Variants in CAMK1D observed in about 807,000 individuals in gnomAD.
CAMK1D encodes calcium/calmodulin-dependent protein kinase type 1D.
CAMK1D carries 9 observed loss-of-function variants against 47.7 expected under a neutral mutation model. The observed-to-expected ratio is 0.19, with a 90% CI of 0.11 to 0.33. The LOEUF (loss-of-function observed/expected upper bound fraction) is 0.33, where lower values mean the gene tolerates loss of function less well. Among genes scored for constraint, CAMK1D ranks in the 10% least tolerant of loss-of-function variants. The pLI is 1.00. For missense variants in CAMK1D, 291 were observed against 488.7 expected (o/e 0.60, Z 3.81); for synonymous variants, 184 against 184.9 (o/e 0.99, Z 0.04).
intron 5 of CAMK1D, among the ~76,000 whole-genome samples, chr10:12,779,188 C>G (rs768269918): frequency 6.6e-6 from 1 of 152,090 alleles, no homozygotes; most frequent in South Asian, 2.1e-4. Context: ...ATGGTATTGA[C>G]CAAGATTGGG....
intron 3 of CAMK1D, among the ~76,000 whole-genome samples, chr10:12,750,878 A>G (rs1835912484): frequency 6.6e-6 from 1 of 152,062 alleles, no homozygotes; most frequent in African/African-American, 2.4e-5. Flanking sequence ...TGGCAAAACC[A>G]TGTCTCTACT....
At chr10:12,608,016 C>G (rs920200744) in intron 2 of CAMK1D, among the ~76,000 whole-genome samples, 13 of 152,040 alleles carry the variant, frequency 8.6e-5, no homozygotes, top group Admixed American at 3.3e-4. Flanking sequence ...AAAACAGGAG[C>G]TCAAATCCAG....
chr10:12,434,884 A>G (rs1832583176), intron 1 of CAMK1D, among the ~76,000 whole-genome samples: 1 of 152,148 alleles, frequency 6.6e-6, no homozygotes, highest in Admixed American at 6.6e-5. Flanking sequence ...ACCTCCCTGC[A>G]GGAGAGTTAT....
intron 4 of CAMK1D, among the ~76,000 whole-genome samples, chr10:12,764,400 A>AT (rs1554822787): frequency 2.7e-5 from 4 of 150,828 alleles, no homozygotes; most frequent in African/African-American, 9.7e-5. Flanking sequence ...AAAAAAAAAC[A>AT]TTGATCTAAA....
At chr10:12,431,124 T>C (rs1286718566) in intron 1 of CAMK1D, among the ~76,000 whole-genome samples, 1 of 152,280 alleles carries the variant, frequency 6.6e-6, no homozygotes, top group East Asian at 1.9e-4. Flanking sequence ...CATTTTCTTA[T>C]TTTTTAAAAA....
chr10:12,632,704 T>C (rs1041564629), intron 2 of CAMK1D, among the ~76,000 whole-genome samples: 16 of 152,102 alleles, frequency 1.1e-4, no homozygotes, highest in African/African-American at 3.9e-4. Flanking sequence ...TGTTTTTGTT[T>C]TTTCTTTTTT....
In CAMK1D at chr10:12,751,128, A is replaced by AAGAT. The variant is rs1564535604; in HGVS notation, c.300-9820_300-9819insAGAT. The stretch of plus-strand genomic sequence containing the variant: ...TAAGATAAGATAAGATAAGATAAGA[A>AAGAT]GGCTTCAGAAGGCTTCTTTCGTGAG... On this transcript the variant is annotated intron_variant, in intron 3 of 10. Coordinates refer to ENST00000619168, the MANE Select transcript of CAMK1D (RefSeq NM_153498.4). Among the ~76,000 whole-genome samples, 10 of 145,170 alleles carry AAGAT rather than the reference A, an allele frequency of 6.9e-5. 1 individual carries two copies. In the East Asian group the frequency reaches 1.0e-3, roughly 15 times the overall value.
intron 7 of CAMK1D, 58 bp downstream of exon 7, chr10:12,814,365 C>A: frequency 2.7e-6 from 3 of 1,108,144 alleles, no homozygotes; most frequent in East Asian, 2.4e-5. Context: ...ACACCCAGAC[C>A]ACGTGACCCT....
intron 3 of CAMK1D, among the ~76,000 whole-genome samples, chr10:12,745,914 G>C (rs1452831631): frequency 1.3e-5 from 2 of 152,068 alleles, no homozygotes; most frequent in Non-Finnish European, 2.9e-5. Flanking sequence ...GACGAAATCT[G>C]ACAACTTTCT....
chr10:12,419,707 A>T (rs917629493), intron 1 of CAMK1D, among the ~76,000 whole-genome samples: 4 of 151,952 alleles, frequency 2.6e-5, no homozygotes, highest in Non-Finnish European at 5.9e-5. Flanking sequence ...AGGTTGCAGA[A>T]AATACTGAGA....
At chr10:12,748,614 C>T (rs931128826) in intron 3 of CAMK1D, among the ~76,000 whole-genome samples, 2 of 152,180 alleles carry the variant, frequency 1.3e-5, no homozygotes, top group African/African-American at 4.8e-5. Flanking sequence ...TTGAGAAGGA[C>T]AGTAGCTAGT....
chr10:12,603,327 T>C (rs950446018), intron 2 of CAMK1D, among the ~76,000 whole-genome samples: 2 of 152,156 alleles, frequency 1.3e-5, no homozygotes, highest in South Asian at 2.1e-4. Flanking sequence ...GGGACACCAG[T>C]TGCGCAGTGC....
At chr10:12,679,543 A>G (rs909750255) in intron 3 of CAMK1D, among the ~76,000 whole-genome samples, 1 of 152,240 alleles carries the variant, frequency 6.6e-6, no homozygotes, top group African/African-American at 2.4e-5. Context: ...TAGGCATTCT[A>G]GTTTGAGATG....
Position 12,802,582 on chromosome 10 carries a change from A to G in CAMK1D, c.641+11349A>G, listed in dbSNP as rs187094074. ...GTCACCCAGGCTGGAGTGCAGTGGC[A>G]CAATCTCAGCTCACTGTAACCTCCG... On this transcript the variant is annotated intron_variant, in intron 6 of 10. Coordinates refer to ENST00000619168, the MANE Select transcript of CAMK1D (RefSeq NM_153498.4). Among the ~76,000 whole-genome samples, 283 of 152,234 alleles carry G rather than the reference A, an allele frequency of 1.9e-3. 1 individual carries two copies. The highest frequency in any genetic ancestry group is 0.015 in the Admixed American group (227 of 15,282).
chr10:12,356,721 CAAAAAAAAAAAAA>C (rs71384311), intron 1 of CAMK1D, among the ~76,000 whole-genome samples: 1 of 74,974 alleles, frequency 1.3e-5, no homozygotes, highest in Admixed American at 1.5e-4. Flanking sequence ...GACTCCATTT[CAAAAAAAAAAAAA>C]AAAAAAAAAG....
chr10:12,696,968 A>G (rs1833322251), intron 3 of CAMK1D, among the ~76,000 whole-genome samples: 1 of 152,204 alleles, frequency 6.6e-6, no homozygotes, highest in Non-Finnish European at 1.5e-5. Context: ...TTCCCAGCTA[A>G]GCAGTGTTTG....
chr10:12,781,399 G>A (rs1301074221), intron 5 of CAMK1D, among the ~76,000 whole-genome samples: 2 of 152,190 alleles, frequency 1.3e-5, no homozygotes, highest in Non-Finnish European at 2.9e-5. Context: ...TGGCACAGTT[G>A]ACTTCCTCCA....
chr10:12,738,910 G>A (rs987549207), intron 3 of CAMK1D, among the ~76,000 whole-genome samples: 11 of 152,114 alleles, frequency 7.2e-5, no homozygotes, highest in African/African-American at 2.2e-4. Context: ...ACCTTATGAG[G>A]TATGTGTGAA....
chr10:12,527,247 C>T (rs1329371351), intron 1 of CAMK1D, among the ~76,000 whole-genome samples: 1 of 151,682 alleles, frequency 6.6e-6, no homozygotes, highest in Admixed American at 6.6e-5. Context: ...TCTGACTCTT[C>T]ACTTTTAGGG....
Sources: allele counts gnomAD v4.1 joint callset (sites outside exome capture counted in the v4.1 genomes callset), GRCh38; gene constraint gnomAD v4.1.1; transcripts MANE v1.5; gene names NCBI Gene and HGNC (gene_info 2026-07-23, HGNC 2026-07-21).